ADCY8: variants seen among roughly 807,000 people sequenced by gnomAD.
ADCY8 encodes adenylate cyclase type 8.
Under a neutral mutation model 119.7 loss-of-function variants are expected in ADCY8, and 51 were observed. The ratio of observed to expected loss-of-function variants is 0.43; its 90% CI spans 0.34 to 0.54. The LOEUF (loss-of-function observed/expected upper bound fraction) is 0.54. Ranked by LOEUF, ADCY8 falls within the 20% of genes least tolerant of loss-of-function variation. ADCY8 has a pLI of 0.03. For synonymous variants in ADCY8, 665 were observed against 651.0 expected, an observed-to-expected ratio of 1.02 and a Z score of -0.33; for missense variants, 1,383 against 1,598.8, an observed-to-expected ratio of 0.87 and a Z score of 2.30.
intron 14 of ADCY8, among the ~76,000 whole-genome samples, chr8:130,813,274 T>C (rs989058446): frequency 6.6e-6 from 1 of 152,310 alleles, no homozygotes; most frequent in Non-Finnish European, 1.5e-5. Context: ...GTGTATAGTT[T>C]AGTGGCATTA....
intron 12 of ADCY8, among the ~76,000 whole-genome samples, chr8:130,832,045 T>C (rs925302): frequency 0.044 from 6,760 of 152,282 alleles, 485 homozygotes; most frequent in African/African-American, 0.15. Context: ...CATTTTAAAT[T>C]AATTTGATCA....
chr8:130,788,425 G>A (rs889270453), intron 15 of ADCY8, among the ~76,000 whole-genome samples: 2 of 152,138 alleles, frequency 1.3e-5, no homozygotes, highest in African/African-American at 4.8e-5. Flanking sequence ...CACATATGTG[G>A]AATCTACAAA....
intron 1 of ADCY8, among the ~76,000 whole-genome samples, chr8:131,010,902 G>T (rs1205255013): frequency 2.0e-5 from 3 of 152,230 alleles, no homozygotes; most frequent in African/African-American, 7.2e-5. Context: ...GGGCATTTGA[G>T]AGAGTTTTTA....
intron 12 of ADCY8, 87 bp from the exon 13 acceptor site, chr8:130,821,507 A>C: frequency 1.0e-6 from 1 of 974,484 alleles, no homozygotes; most frequent in Non-Finnish European, 1.6e-6. Flanking sequence ...GAGTGGTATA[A>C]AAAGAAAAAA....
intron 2 of ADCY8, among the ~76,000 whole-genome samples, chr8:130,960,514 T>C (rs1821566949): frequency 6.6e-6 from 1 of 152,126 alleles, no homozygotes; most frequent in African/African-American, 2.4e-5. Flanking sequence ...TTTCAGCATG[T>C]CTTACTTTAG....
chr8:130,922,531 G>C (rs1294812445), intron 5 of ADCY8, among the ~76,000 whole-genome samples: 1 of 151,992 alleles, frequency 6.6e-6, no homozygotes, highest in Non-Finnish European at 1.5e-5. Flanking sequence ...TGGGGGTAAG[G>C]TCACAGATCA....
At chr8:130,799,295 A>T (rs967670048) in intron 15 of ADCY8, among the ~76,000 whole-genome samples, 1 of 152,198 alleles carries the variant, frequency 6.6e-6, no homozygotes, top group Non-Finnish European at 1.5e-5. Flanking sequence ...TATTTCTGGC[A>T]CAAAAACGTT....
chr8:130,869,994 C>CCTG, intron 8 of ADCY8, among the ~76,000 whole-genome samples: 1 of 128,372 alleles, frequency 7.8e-6, no homozygotes, highest in Non-Finnish European at 1.7e-5. Flanking sequence ...TCCTCCTCCT[C>CCTG]TCCTCTTCCT....
chr8:130,955,575 CAAAT>C (rs1414411006), intron 2 of ADCY8, among the ~76,000 whole-genome samples: 9 of 152,142 alleles, frequency 5.9e-5, no homozygotes, highest in Admixed American at 5.9e-4. Context: ...TTAATGCAAA[CAAAT>C]AAAAATAAAA....
chr8:130,969,227 G>GA (rs1207506313), intron 2 of ADCY8, among the ~76,000 whole-genome samples: 4 of 151,770 alleles, frequency 2.6e-5, no homozygotes, highest in African/African-American at 4.8e-5. Context: ...CCTAAATAGA[G>GA]AAAAAAAAGC....
At chr8:130,889,645 C>T (rs1270387867) in intron 7 of ADCY8, among the ~76,000 whole-genome samples, 1 of 152,138 alleles carries the variant, frequency 6.6e-6, no homozygotes, top group Non-Finnish European at 1.5e-5. Flanking sequence ...CTTTCTTCAC[C>T]AGGCACATGA....
At chr8:130,982,624 A>G (rs1822272840) in intron 2 of ADCY8, among the ~76,000 whole-genome samples, 1 of 152,208 alleles carries the variant, frequency 6.6e-6, no homozygotes, top group East Asian at 1.9e-4. Context: ...AGAAATAGAA[A>G]TGGGACAAGC....
chr8:130,942,292 C>A (rs1229249010), intron 4 of ADCY8, among the ~76,000 whole-genome samples: 1 of 152,156 alleles, frequency 6.6e-6, no homozygotes, highest in African/African-American at 2.4e-5. Context: ...TTATTTATAT[C>A]ATTTTTAAGA....
At chr8:130,978,019 C>T (rs1199937925) in intron 2 of ADCY8, among the ~76,000 whole-genome samples, 2 of 152,126 alleles carry the variant, frequency 1.3e-5, no homozygotes, top group Non-Finnish European at 2.9e-5. Flanking sequence ...AGTGGCAGGC[C>T]CTGTGCTCTG....
intron 8 of ADCY8, among the ~76,000 whole-genome samples, chr8:130,878,115 C>A (rs751136319): frequency 3.9e-5 from 6 of 152,148 alleles, no homozygotes; most frequent in African/African-American, 1.4e-4. Context: ...ATACTCATTT[C>A]GATGAGATCA....
chr8:130,930,342 C>A (rs907993260), intron 5 of ADCY8, among the ~76,000 whole-genome samples: 1 of 151,758 alleles, frequency 6.6e-6, no homozygotes, highest in Non-Finnish European at 1.5e-5. Context: ...AGCTCCATAT[C>A]CCAAGTTCAC....
At chr8:130,950,843 G>T (rs1821247343) in intron 3 of ADCY8, among the ~76,000 whole-genome samples, 2 of 152,142 alleles carry the variant, frequency 1.3e-5, no homozygotes, top group African/African-American at 4.8e-5. Context: ...GGGACTACAG[G>T]CATGCACCAC....
At chr8:130,943,497 G>GGGGGGGGCCCCC in intron 3 of ADCY8, 35 bp from the exon 4 acceptor site, 1 of 491,344 alleles carries the variant, frequency 2.0e-6, no homozygotes, top group Non-Finnish European at 4.2e-6. Flanking sequence ...GTGGGGGGAG[G>GGGGGGGGCCCCC]AAGTATATTA....
intron 1 of ADCY8, among the ~76,000 whole-genome samples, chr8:131,024,272 TTAATAATAA>T (rs34815362): frequency 6.6e-6 from 1 of 151,804 alleles, no homozygotes; most frequent in Admixed American, 6.6e-5. Flanking sequence ...ATAGGAATAA[TTAATAATAA>T]TAATAATAAT....
Sources: allele counts gnomAD v4.1 joint callset (sites outside exome capture counted in the v4.1 genomes callset), GRCh38; gene constraint gnomAD v4.1.1; transcripts MANE v1.5; gene names NCBI Gene and HGNC (gene_info 2026-07-23, HGNC 2026-07-21).